DLGAP1: variants seen among roughly 807,000 people sequenced by gnomAD.
DLGAP1 encodes disks large-associated protein 1.
Under a neutral mutation model 90.8 loss-of-function variants are expected in DLGAP1, and 11 were observed. The ratio of observed to expected loss-of-function variants is 0.12; its 90% CI spans 0.08 to 0.20. The LOEUF is 0.20. Among genes scored for constraint, DLGAP1 ranks in the 10% least tolerant of loss-of-function variants. The probability of loss-of-function intolerance (pLI) is 1.00; values close to 1 mark genes in which losing one functional copy is unlikely to be tolerated. For synonymous variants in DLGAP1, 558 were observed against 540.7 expected (o/e 1.03, Z -0.44); for missense variants, 1,050 against 1,333.8 (o/e 0.79, Z 3.31).
At position 3,879,371 on chromosome 18, in the gene DLGAP1, G is replaced by A; in HGVS notation, c.698C>T (p.Ser233Leu). The A allele has an allele frequency of 6.2e-7, 1 of 1,613,440 alleles. No individual in the cohort carries two copies. Among genetic ancestry groups the A allele is most frequent in the Non-Finnish European group, 8.5e-7 (1 of 1,179,868 alleles). The change falls in exon 4 of 13, where the codon TCA becomes TTA. Residue 233 changes from serine (S) to leucine (L), a missense_variant. Ser to Leu is a moderately radical substitution (Grantham distance 145). Around this residue, in one of 2 missense-constraint regions of DLGAP1, gnomAD observed 485 missense variants for 454.1 expected, o/e 1.07. Coordinates refer to ENST00000315677, the MANE Select transcript of DLGAP1 (RefSeq NM_004746.4). This position sits in a 1 kb window ranked among gnomAD's most constrained non-coding sequence, Gnocchi z 6.6. Reference sequence around the variant, plus strand: ...GTTGTAGGCCTCCAGGAAGTACTGTGAGGCCGAGCGGTCGGGGCACCTGCC... The same window carrying A: ...GTTGTAGGCCTCCAGGAAGTACTGTAAGGCCGAGCGGTCGGGGCACCTGCC... ...TMGRCPDRSA[S>L]QYFLEAYNTI...
At chr18:4,243,854 C>T (rs948364912) in intron 1 of DLGAP1, among the ~76,000 whole-genome samples, 2 of 152,118 alleles carry the variant, frequency 1.3e-5, no homozygotes, top group African/African-American at 2.4e-5. Context: ...GAAAGGTATA[C>T]AATGTCAAAA....
At chr18:3,661,571 CTTT>C (rs10549959) in intron 7 of DLGAP1, among the ~76,000 whole-genome samples, 1 of 125,264 alleles carries the variant, frequency 8.0e-6, no homozygotes, top group Non-Finnish European at 1.7e-5. Context: ...GCTGTAAGGT[CTTT>C]TTTTTTTTTT....
chr18:4,282,247 T>C (rs895193368), intron 1 of DLGAP1, among the ~76,000 whole-genome samples: 2 of 151,550 alleles, frequency 1.3e-5, no homozygotes, highest in Non-Finnish European at 2.9e-5. Flanking sequence ...GCCTGTAGTC[T>C]CAGCTACTCG....
intron 7 of DLGAP1, among the ~76,000 whole-genome samples, chr18:3,610,935 T>A (rs2057584989): frequency 6.6e-6 from 1 of 152,016 alleles, no homozygotes. Context: ...AGAAGAGTTT[T>A]CATAATTTGT....
Position 3,718,256 on chromosome 18 carries a change from C to T in DLGAP1, c.1591+10879G>A, listed in dbSNP as rs150832043. ...TGGGCGGATCACGAGGTCAGGAGCT[C>T]GAGACCAGCCTGGCCAAGATGGTGA... On this transcript the variant is annotated intron_variant, in intron 7 of 12. Coordinates refer to ENST00000315677, the MANE Select transcript of DLGAP1 (RefSeq NM_004746.4). 7.9e-5 allele frequency among the ~76,000 whole-genome samples: 12 copies of T among 151,864 alleles called. 2 individuals carry two copies. The East Asian group carries it at 1.4e-3, about 17-fold the overall frequency.
intron 3 of DLGAP1, among the ~76,000 whole-genome samples, chr18:3,939,418 A>G (rs1254511061): frequency 5.7e-5 from 1 of 17,396 alleles, no homozygotes; most frequent in Non-Finnish European, 1.3e-4. Flanking sequence ...TTCTGTCTCA[A>G]AAAAAAAAAA....
At chr18:3,993,525 G>A (rs1211003985) in intron 3 of DLGAP1, among the ~76,000 whole-genome samples, 1 of 152,054 alleles carries the variant, frequency 6.6e-6, no homozygotes, top group African/African-American at 2.4e-5. Flanking sequence ...AAGGGAGGGG[G>A]TGAGGGTGGG....
At chr18:3,541,900 T>C (rs760091208) in intron 9 of DLGAP1, among the ~76,000 whole-genome samples, 1 of 150,218 alleles carries the variant, frequency 6.7e-6, no homozygotes, top group Non-Finnish European at 1.5e-5. Context: ...AGAGGCAATA[T>C]TGGTGGAAAA....
intron 1 of DLGAP1, among the ~76,000 whole-genome samples, chr18:4,396,491 G>C (rs1293277139): frequency 6.6e-6 from 1 of 152,182 alleles, no homozygotes. Context: ...TGAAGTCCAA[G>C]AGATAGGAAG....
intron 7 of DLGAP1, among the ~76,000 whole-genome samples, chr18:3,682,116 CA>C (rs56914443): frequency 0.035 from 3,952 of 111,864 alleles, 121 homozygotes; most frequent in Admixed American, 0.1. Context: ...GACCCTGTCT[CA>C]AAAAAAAAAA....
At chr18:3,633,098 C>A (rs1475816047) in intron 7 of DLGAP1, among the ~76,000 whole-genome samples, 1 of 152,098 alleles carries the variant, frequency 6.6e-6, no homozygotes, top group Non-Finnish European at 1.5e-5. Context: ...ACTCTAGGTA[C>A]CATCAAAGCC....
intron 4 of DLGAP1, among the ~76,000 whole-genome samples, chr18:3,859,963 GT>G (rs1305427684): frequency 6.6e-6 from 1 of 152,018 alleles, no homozygotes; most frequent in East Asian, 1.9e-4. Flanking sequence ...GCCAGGCGTG[GT>G]GGTGGGCATC....
chr18:4,244,867 T>A (rs2078621709), intron 1 of DLGAP1, among the ~76,000 whole-genome samples: 1 of 152,230 alleles, frequency 6.6e-6, no homozygotes, highest in South Asian at 2.1e-4. Context: ...AAATGGTTCT[T>A]AGCCAAGTAC....
chr18:4,442,906 G>A (rs531912354), intron 1 of DLGAP1, among the ~76,000 whole-genome samples: 8 of 152,234 alleles, frequency 5.3e-5, no homozygotes, highest in South Asian at 4.2e-4. Context: ...GTTCTTGCTC[G>A]GGGCTGAACT....
At chr18:4,011,825 C>T (rs141890651) in intron 2 of DLGAP1, among the ~76,000 whole-genome samples, 227 of 151,766 alleles carry the variant, frequency 1.5e-3, no homozygotes, top group African/African-American at 5.3e-3. Flanking sequence ...GTGAACATGA[C>T]CCTGTCTCAA....
At chr18:3,905,369 A>C (rs2071880171) in intron 3 of DLGAP1, among the ~76,000 whole-genome samples, 2 of 142,960 alleles carry the variant, frequency 1.4e-5, no homozygotes, top group Admixed American at 1.4e-4. Context: ...TCCATCTCAA[A>C]AAAAAAAAAA....
At chr18:3,749,500 G>A (rs1165413415) in intron 5 of DLGAP1, among the ~76,000 whole-genome samples, 2 of 151,752 alleles carry the variant, frequency 1.3e-5, no homozygotes, top group African/African-American at 4.8e-5. Flanking sequence ...TTCTCATTTG[G>A]GTTCCTCTTC....
intron 2 of DLGAP1, among the ~76,000 whole-genome samples, chr18:4,052,476 T>A (rs1350926504): frequency 6.6e-6 from 1 of 152,024 alleles, no homozygotes; most frequent in Non-Finnish European, 1.5e-5. Context: ...ATGGCTGGAG[T>A]GGCTGGGACA....
intron 7 of DLGAP1, among the ~76,000 whole-genome samples, chr18:3,599,837 T>C (rs1057118124): frequency 6.6e-6 from 1 of 152,090 alleles, no homozygotes; most frequent in African/African-American, 2.4e-5. Flanking sequence ...CAGGATGGTC[T>C]CGATCTCTTG....
Sources: gnomAD v4.1 joint callset for allele counts (sites outside exome capture counted in the v4.1 genomes callset) on GRCh38, gnomAD v4.1.1 for gene constraint, gnomAD v4.1.1 regional missense constraint, Gnocchi (gnomAD v3.1) non-coding constraint, MANE v1.5 for transcripts, NCBI Gene and HGNC (gene_info 2026-07-23, HGNC 2026-07-21) for gene names.